Variants in PRDM16 observed in about 807,000 individuals in gnomAD.
PRDM16 encodes the protein PR/SET domain 16, also known as histone-lysine N-methyltransferase PRDM16.
PRDM16 carries 23 observed loss-of-function variants against 110.6 expected under a neutral mutation model. That is an observed-to-expected ratio of 0.21 (90% CI 0.15 to 0.29). The LOEUF is 0.29. Ranked by LOEUF, PRDM16 falls within the 10% of genes least tolerant of loss-of-function variation. The pLI, the probability that PRDM16 is intolerant of heterozygous loss-of-function variation, is 1.00. For missense variants in PRDM16, 1,615 were observed against 1,794.3 expected (o/e 0.90, Z 1.81); for synonymous variants, 799 against 781.8 (o/e 1.02, Z -0.37).
In PRDM16 at chr1:3,112,472, G is replaced by A. The variant is rs550128900; in HGVS notation, c.37+43176G>A. ...CCCGCGCTTGCACAGCCTGGGGTGC[G>A]GGAGGCAGTTTGCACGGGAAGGCTC... On this transcript the variant is annotated intron_variant, in intron 1 of 16. Transcript: ENST00000270722. Among the ~76,000 whole-genome samples, 5 of 152,350 alleles carry A rather than the reference G, an allele frequency of 3.3e-5. No individual in the cohort carries two copies. In the East Asian group the frequency reaches 5.8e-4, roughly 18 times the overall value.
rs556211232 is a variant in PRDM16, at chr1:3,313,285, C to T, written c.438+69148C>T. Among the ~76,000 whole-genome samples the T allele has an allele frequency of 5.3e-5, 8 of 152,362 alleles. 1 individual carries two copies. The East Asian group carries it at 1.5e-3, about 29-fold the overall frequency. On this transcript the variant is annotated intron_variant, in intron 3 of 16. Coordinates refer to ENST00000270722, the MANE Select transcript of PRDM16 (RefSeq NM_022114.4). ...ATGAAATGCCGCGGAGCTGGAGCCC[C>T]ACTCGCCGTCACGATGAGTCAGCGC...
chr1:3,413,829 C>T (rs907487297), intron 9 of PRDM16, among the ~76,000 whole-genome samples: 1 of 152,222 alleles, frequency 6.6e-6, no homozygotes, highest in African/African-American at 2.4e-5. Context: ...CCCACGGCCT[C>T]TGTTTACCAC....
intron 3 of PRDM16, among the ~76,000 whole-genome samples, chr1:3,372,850 G>A (rs1251130948): frequency 6.6e-6 from 1 of 152,204 alleles, no homozygotes; most frequent in African/African-American, 2.4e-5. Flanking sequence ...GGCCACGGAC[G>A]GGGTTCTGGG....
intron 3 of PRDM16, among the ~76,000 whole-genome samples, chr1:3,372,905 G>A (rs1412244360): frequency 6.6e-6 from 1 of 152,208 alleles, no homozygotes; most frequent in Non-Finnish European, 1.5e-5. Context: ...GCTATGGGGT[G>A]GGGAGAGGGC....
intron 3 of PRDM16, among the ~76,000 whole-genome samples, chr1:3,323,682 C>A (rs7552861): frequency 4.6e-5 from 7 of 152,246 alleles, no homozygotes; most frequent in African/African-American, 1.4e-4. Flanking sequence ...GTGCTGGGAG[C>A]GGCCGCACTT....
In PRDM16 at chr1:3,113,545, A is replaced by G. The variant is rs541106365; in HGVS notation, c.37+44249A>G. Among the ~76,000 whole-genome samples the G allele has an allele frequency of 4.6e-5, 7 of 152,284 alleles. No individual in the cohort carries two copies. The South Asian group carries it at 1.5e-3, about 32-fold the overall frequency. ...CCATTATGACCAAGGCCGAGGCCTG[A>G]GCCAGCGGGAGGGGCCTGCGTCCAT... On this transcript the variant is annotated intron_variant, in intron 1 of 16. Transcript: ENST00000270722.
At chr1:3,131,735 G>A (rs974843275) in intron 1 of PRDM16, among the ~76,000 whole-genome samples, 1 of 152,204 alleles carries the variant, frequency 6.6e-6, no homozygotes, top group Non-Finnish European at 1.5e-5. Flanking sequence ...GTGATGGTGT[G>A]GTGCAGGCCG....
chr1:3,267,996 C>G (rs573890250), intron 3 of PRDM16, among the ~76,000 whole-genome samples: 1 of 152,346 alleles, frequency 6.6e-6, no homozygotes, highest in African/African-American at 2.4e-5. Context: ...TCGCAAGCAA[C>G]GCGGGTGCAA....
chr1:3,116,920 A>C (rs1442096826), intron 1 of PRDM16, among the ~76,000 whole-genome samples: 1 of 151,588 alleles, frequency 6.6e-6, no homozygotes, highest in Non-Finnish European at 1.5e-5. Flanking sequence ...CCCAAGCCCG[A>C]CCTCCCTCCC....
intron 2 of PRDM16, among the ~76,000 whole-genome samples, chr1:3,217,895 G>A (rs924732203): frequency 6.6e-6 from 1 of 152,198 alleles, no homozygotes; most frequent in East Asian, 1.9e-4. Context: ...AGGTTTTGGG[G>A]TGCCCCCTTG....
intron 3 of PRDM16, among the ~76,000 whole-genome samples, chr1:3,267,740 G>A (rs937896222): frequency 1.4e-4 from 22 of 152,302 alleles, no homozygotes; most frequent in Admixed American, 5.2e-4. Flanking sequence ...GTTGAGCAGA[G>A]CGCCAGCCTC....
Position 3,411,707 on chromosome 1 carries a change from C to G in PRDM16, c.1510C>G (p.Pro504Ala). 1 of 1,610,420 alleles carries G rather than the reference C, an allele frequency of 6.2e-7. No individual in the cohort carries two copies. Among genetic ancestry groups the G allele is most frequent in the Non-Finnish European group, 8.5e-7 (1 of 1,177,766 alleles). Residue 504 changes from proline (P) to alanine (A), a missense_variant, in exon 9 of 17, where the codon CCT becomes GCT. This residue lies in a region of PRDM16 where 772 missense variants were observed against 748.3 expected (regional missense o/e 1.03). Coordinates refer to ENST00000270722, the MANE Select transcript of PRDM16 (RefSeq NM_022114.4). ...GGGGAGCCTGCCCTTCTCCACGGCG[C>G]CTCCCACGTTCCCCGCACTCACCCC... ...HPGSLPFSTA[P>A]PTFPALTPGF... is the part of the protein sequence containing the mutation.
intron 2 of PRDM16, among the ~76,000 whole-genome samples, chr1:3,215,792 G>C (rs1348088660): frequency 1.3e-5 from 2 of 152,124 alleles, no homozygotes; most frequent in Non-Finnish European, 2.9e-5. Flanking sequence ...AATTCTGCCC[G>C]TGTCCGCACC....
intron 1 of PRDM16, among the ~76,000 whole-genome samples, chr1:3,109,989 C>T (rs1170310015): frequency 6.6e-6 from 1 of 150,708 alleles, no homozygotes; most frequent in Non-Finnish European, 1.5e-5. Context: ...TCTGTGCCTC[C>T]CCCGTGTCCT....
At chr1:3,293,478 C>T (rs141266221) in intron 3 of PRDM16, among the ~76,000 whole-genome samples, 179 of 152,306 alleles carry the variant, frequency 1.2e-3, no homozygotes, top group Middle Eastern at 3.4e-3. Context: ...AATAGGAAGG[C>T]GCGATGGCCA....
intron 1 of PRDM16, among the ~76,000 whole-genome samples, chr1:3,076,909 TG>T (rs980060211): frequency 6.6e-6 from 1 of 152,198 alleles, no homozygotes; most frequent in Non-Finnish European, 1.5e-5. Flanking sequence ...TGGGTGTTTT[TG>T]GGGGGGACAC....
intron 1 of PRDM16, among the ~76,000 whole-genome samples, chr1:3,084,787 G>A (rs902950467): frequency 5.9e-5 from 9 of 152,288 alleles, no homozygotes; most frequent in South Asian, 4.1e-4. Flanking sequence ...GTTCTCGGGC[G>A]TCCCCCTTGG....
chr1:3,184,235 T>C (rs1352620635), intron 1 of PRDM16, among the ~76,000 whole-genome samples: 2 of 152,222 alleles, frequency 1.3e-5, no homozygotes, highest in Non-Finnish European at 2.9e-5. Flanking sequence ...TTACGACTTT[T>C]CCCCCCAAGA....
chr1:3,393,763 G>A (rs1266820690), intron 4 of PRDM16, among the ~76,000 whole-genome samples: 1 of 152,220 alleles, frequency 6.6e-6, no homozygotes, highest in African/African-American at 2.4e-5. Flanking sequence ...CGCTGGCAAG[G>A]GCGGGGCCGG....
Sources: gnomAD v4.1 joint callset for allele counts (sites outside exome capture counted in the v4.1 genomes callset) on GRCh38, gnomAD v4.1.1 for gene constraint, gnomAD v4.1.1 regional missense constraint, MANE v1.5 for transcripts, NCBI Gene and HGNC (gene_info 2026-07-23, HGNC 2026-07-21) for gene names.